Variants in TEAD1 observed in about 807,000 individuals in gnomAD.
TEAD1 encodes the protein TEA domain transcription factor 1.
TEAD1 carries 9 observed loss-of-function variants against 54.9 expected under a neutral mutation model. The observed-to-expected ratio is 0.16, with a 90% CI of 0.10 to 0.29. TEAD1 has a LOEUF of 0.29. Among genes scored for constraint, TEAD1 ranks in the 10% least tolerant of loss-of-function variants. The pLI is 1.00. For missense variants in TEAD1, 387 were observed against 535.9 expected (o/e 0.72, Z 2.74); for synonymous variants, 200 against 187.8 (o/e 1.07, Z -0.53).
rs1245683176 is a variant in TEAD1 at position 12,878,838 on chromosome 11, A to AATC, written c.331-869_331-868insTCA. 4.1e-6 allele frequency: 5 copies of AATC among 1,223,294 alleles called. No individual in the cohort carries two copies. The East Asian group carries it at 2.8e-4, about 69-fold the overall frequency. The allele number at this position is 1,223,294 out of a possible 1,614,324, so 75.8% of individuals were successfully genotyped here. ...TTTTTTTTTAACCAAAGAAGAAAAA[A>AATC]AATCCCTTTTTATGCAATCCTTTTA... On this transcript the variant is annotated intron_variant, in intron 5 of 12. Coordinates refer to ENST00000527636, the MANE Select transcript of TEAD1 (RefSeq NM_021961.6).
At chr11:12,728,599 C>T (rs914552927) in intron 2 of TEAD1, among the ~76,000 whole-genome samples, 2 of 152,162 alleles carry the variant, frequency 1.3e-5, no homozygotes, top group Non-Finnish European at 2.9e-5. Context: ...CTCATCCCTT[C>T]GGGCTAGTCT....
intron 2 of TEAD1, among the ~76,000 whole-genome samples, chr11:12,711,969 C>G (rs1283501328): frequency 6.6e-6 from 1 of 152,146 alleles, no homozygotes; most frequent in African/African-American, 2.4e-5. Context: ...CTCTTCTCTA[C>G]TCCTCTTCTC....
At chr11:12,917,916 T>C (rs758179386) in intron 10 of TEAD1, among the ~76,000 whole-genome samples, 1 of 152,214 alleles carries the variant, frequency 6.6e-6, no homozygotes, top group Non-Finnish European at 1.5e-5. Flanking sequence ...AGATGGGATA[T>C]GGTTTGACTT....
intron 3 of TEAD1, among the ~76,000 whole-genome samples, chr11:12,780,945 A>G (rs771013326): frequency 6.6e-6 from 1 of 152,228 alleles, no homozygotes; most frequent in Non-Finnish European, 1.5e-5. Context: ...TGTGATTTCA[A>G]AACTTACTAC....
intron 5 of TEAD1, among the ~76,000 whole-genome samples, chr11:12,871,958 C>T (rs1241049995): frequency 1.3e-5 from 2 of 152,134 alleles, no homozygotes; most frequent in South Asian, 2.1e-4. Context: ...TATGTCCAGT[C>T]GCCGGTGACT....
At chr11:12,690,164 C>T (rs138377891) in intron 2 of TEAD1, among the ~76,000 whole-genome samples, 6 of 151,470 alleles carry the variant, frequency 4.0e-5, no homozygotes, top group East Asian at 1.9e-4. Flanking sequence ...ATGGCGTGAA[C>T]CCAGGAGGCG....
At chr11:12,782,648 GGTA>G (rs930077036) in intron 3 of TEAD1, among the ~76,000 whole-genome samples, 1 of 152,220 alleles carries the variant, frequency 6.6e-6, no homozygotes, top group African/African-American at 2.4e-5. Flanking sequence ...TCACAATAAA[GGTA>G]GTATCAGTGT....
At chr11:12,687,180 C>G (rs1943351343) in intron 2 of TEAD1, among the ~76,000 whole-genome samples, 1 of 152,202 alleles carries the variant, frequency 6.6e-6, no homozygotes, top group Non-Finnish European at 1.5e-5. Context: ...CTGCCTCTTG[C>G]CCCTCTAGCT....
chr11:12,757,835 A>G (rs1945013831), intron 2 of TEAD1, among the ~76,000 whole-genome samples: 1 of 152,152 alleles, frequency 6.6e-6, no homozygotes, highest in South Asian at 2.1e-4. Flanking sequence ...ACTGGAGTGC[A>G]GTGGCCTGAT....
chr11:12,795,199 C>A (rs755093947), intron 3 of TEAD1, among the ~76,000 whole-genome samples: 1 of 152,136 alleles, frequency 6.6e-6, no homozygotes, highest in Non-Finnish European at 1.5e-5. Context: ...TTCCTTATCT[C>A]ACAGCTGTTA....
intron 3 of TEAD1, among the ~76,000 whole-genome samples, chr11:12,796,339 C>T (rs1285524788): frequency 6.6e-6 from 1 of 152,156 alleles, no homozygotes; most frequent in Admixed American, 6.5e-5. Context: ...CGTTGTTGGT[C>T]TCACTGAAAC....
At chr11:12,781,084 A>G (rs1945532024) in intron 3 of TEAD1, among the ~76,000 whole-genome samples, 1 of 152,250 alleles carries the variant, frequency 6.6e-6, no homozygotes, top group African/African-American at 2.4e-5. Flanking sequence ...AGATATACCA[A>G]GACAATTCAA....
intron 3 of TEAD1, among the ~76,000 whole-genome samples, chr11:12,781,645 TA>T (rs57397259): frequency 0.41 from 58,460 of 142,894 alleles, 11,673 homozygotes; most frequent in South Asian, 0.6. Context: ...TGGCTATCAT[TA>T]AAAAAAAAAA....
At chr11:12,812,976 G>A (rs887626310) in intron 3 of TEAD1, among the ~76,000 whole-genome samples, 1 of 152,238 alleles carries the variant, frequency 6.6e-6, no homozygotes, top group Non-Finnish European at 1.5e-5. Flanking sequence ...TGTGGTTAGT[G>A]ACTGTCGTGT....
chr11:12,709,744 A>G (rs186486684), intron 2 of TEAD1, among the ~76,000 whole-genome samples: 1,572 of 152,034 alleles, frequency 0.01, 24 homozygotes, highest in Non-Finnish European at 0.013. Flanking sequence ...GGTGGTCTTG[A>G]ACTCCTGGTC....
intron 9 of TEAD1, among the ~76,000 whole-genome samples, chr11:12,895,919 A>C (rs1948306500): frequency 6.6e-6 from 1 of 152,124 alleles, no homozygotes; most frequent in South Asian, 2.1e-4. Flanking sequence ...TAGTTCTCTA[A>C]ATTTAGTATA....
intron 10 of TEAD1, chr11:12,921,036 A>G (rs1472934352): frequency 5.3e-5 from 8 of 152,216 alleles, no homozygotes; most frequent in Admixed American, 5.2e-4. Flanking sequence ...GTTTTAGAAA[A>G]GTTAATATAA....
chr11:12,920,175 A>C (rs1948778278), intron 10 of TEAD1, among the ~76,000 whole-genome samples: 1 of 152,200 alleles, frequency 6.6e-6, no homozygotes, highest in African/African-American at 2.4e-5. Flanking sequence ...GGCGGTCTTA[A>C]AAATGCGTCA....
chr11:12,874,310 C>T (rs1947812267), intron 5 of TEAD1, among the ~76,000 whole-genome samples: 1 of 152,216 alleles, frequency 6.6e-6, no homozygotes, highest in Non-Finnish European at 1.5e-5. Flanking sequence ...GGGAACAAGA[C>T]TCCTCTGATA....
Sources: gnomAD v4.1 joint callset for allele counts (sites outside exome capture counted in the v4.1 genomes callset) on GRCh38, gnomAD v4.1.1 for gene constraint, MANE v1.5 for transcripts, NCBI Gene and HGNC (gene_info 2026-07-23, HGNC 2026-07-21) for gene names.